The following PIBF1 variants were observed in gnomAD, a reference collection of about 807,000 sequenced individuals.
PIBF1 encodes progesterone-induced-blocking factor 1.
Under a neutral mutation model 112.5 loss-of-function variants are expected in PIBF1, and 90 were observed. The ratio of observed to expected loss-of-function variants is 0.80; its 90% CI spans 0.67 to 0.95. The LOEUF is 0.95. Among genes scored for constraint, PIBF1 ranks in the 40% least tolerant of loss-of-function variants. The probability of loss-of-function intolerance (pLI) is 0.00; values close to 1 mark genes in which losing one functional copy is unlikely to be tolerated. For synonymous variants in PIBF1, 301 were observed against 288.6 expected (o/e 1.04, Z -0.44); for missense variants, 915 against 852.3 (o/e 1.07, Z -0.92).
chr13:72,858,763 A>G (rs1000363168), intron 10 of PIBF1, among the ~76,000 whole-genome samples: 1 of 152,172 alleles, frequency 6.6e-6, no homozygotes, highest in African/African-American at 2.4e-5. Context: ...GAATACTTAT[A>G]TACAAGTTTC....
intron 14 of PIBF1, among the ~76,000 whole-genome samples, chr13:72,964,154 A>G (rs974467614): frequency 2.6e-5 from 4 of 152,232 alleles, no homozygotes; most frequent in African/African-American, 7.2e-5. Flanking sequence ...ATTTACCATT[A>G]AAAGGAATGA....
chr13:72,818,807 A>G (rs1451610569), intron 5 of PIBF1, among the ~76,000 whole-genome samples: 2 of 151,294 alleles, frequency 1.3e-5, no homozygotes, highest in African/African-American at 4.9e-5. Flanking sequence ...AAATCACACA[A>G]GCAGTAACAA....
chr13:72,939,222 T>G (rs1466427667), intron 14 of PIBF1, among the ~76,000 whole-genome samples: 1 of 152,198 alleles, frequency 6.6e-6, no homozygotes, highest in Non-Finnish European at 1.5e-5. Flanking sequence ...GTTTTGTGGG[T>G]TTTTTATTGA....
chr13:72,982,739 CTG>C (rs1359716242), intron 16 of PIBF1, among the ~76,000 whole-genome samples: 1 of 152,092 alleles, frequency 6.6e-6, no homozygotes, highest in Non-Finnish European at 1.5e-5. Flanking sequence ...GCTTTAGAAA[CTG>C]TCATCAAAAA....
intron 9 of PIBF1, among the ~76,000 whole-genome samples, chr13:72,840,806 G>A (rs2037576936): frequency 2.0e-5 from 3 of 152,126 alleles, no homozygotes; most frequent in South Asian, 2.1e-4. Flanking sequence ...GATTACAGGC[G>A]TGAGCCACCA....
rs556940865 is a variant in PIBF1 at position 72,799,334 on chromosome 13, C to T, written c.672+1308C>T. Among the ~76,000 whole-genome samples, 147 of 152,272 alleles carry T rather than the reference C, an allele frequency of 9.7e-4. 1 individual carries two copies. The highest frequency in any genetic ancestry group is 3.2e-3 in the African/African-American group (135 of 41,552). On this transcript the variant is annotated intron_variant, in intron 5 of 17. Transcript: ENST00000326291. ...TTTAATTTGTATTTTTAATGCTCTA[C>T]TTTGCTGTACTATTAGTCTTAGAGA...
chr13:72,812,470 G>A (rs1205603103), intron 5 of PIBF1, among the ~76,000 whole-genome samples: 1 of 152,032 alleles, frequency 6.6e-6, no homozygotes, highest in Non-Finnish European at 1.5e-5. Flanking sequence ...AGTGGCTCAC[G>A]GCTGTAATCC....
rs546555968 is a variant in PIBF1 at position 72,789,445 on chromosome 13, C to T, written c.253-3002C>T. Among the ~76,000 whole-genome samples, 17 of 152,204 alleles carry T rather than the reference C, an allele frequency of 1.1e-4. No individual in the cohort carries two copies. In the South Asian group the frequency reaches 3.3e-3, roughly 30 times the overall value. ...CAAGCAATCCTCCCACCTTGGCCCC[C>T]CAAAGTGCTGGGTTTACAGCCTGAG... On this transcript the variant is annotated intron_variant, in intron 2 of 17. Transcript: ENST00000326291.
intron 16 of PIBF1, among the ~76,000 whole-genome samples, chr13:72,985,380 A>AAAG (rs1407666791): frequency 6.7e-6 from 1 of 148,600 alleles, no homozygotes; most frequent in Non-Finnish European, 1.5e-5. Flanking sequence ...ACAAAAAAAA[A>AAAG]AAAAAAAAAA....
At chr13:72,927,867 G>GT (rs1487554737) in intron 13 of PIBF1, among the ~76,000 whole-genome samples, 2 of 147,786 alleles carry the variant, frequency 1.4e-5, no homozygotes, top group African/African-American at 5.0e-5. Flanking sequence ...CTGTGTATGT[G>GT]TGTTTGTACT....
intron 12 of PIBF1, among the ~76,000 whole-genome samples, chr13:72,911,592 T>A (rs2040896577): frequency 6.6e-6 from 1 of 152,144 alleles, no homozygotes; most frequent in Non-Finnish European, 1.5e-5. Context: ...TGAATGTAAT[T>A]ATCATAAAAG....
chr13:72,908,987 C>T (rs1410848449), intron 12 of PIBF1, among the ~76,000 whole-genome samples: 2 of 151,498 alleles, frequency 1.3e-5, no homozygotes, highest in South Asian at 4.2e-4. Context: ...GCAGAGGTCG[C>T]GTTGAGCCGA....
At chr13:72,962,111 A>G (rs1457800211) in intron 14 of PIBF1, among the ~76,000 whole-genome samples, 1 of 152,174 alleles carries the variant, frequency 6.6e-6, no homozygotes, top group Non-Finnish European at 1.5e-5. Flanking sequence ...ATTACTATAC[A>G]TAGTGTAAAT....
At chr13:72,793,522 G>A (rs2035039773) in intron 3 of PIBF1, among the ~76,000 whole-genome samples, 1 of 152,198 alleles carries the variant, frequency 6.6e-6, no homozygotes, top group Non-Finnish European at 1.5e-5. Context: ...AGGTGATGCA[G>A]ATGCTGCTGG....
chr13:72,806,103 T>C (rs1222761885), intron 5 of PIBF1, among the ~76,000 whole-genome samples: 1 of 152,232 alleles, frequency 6.6e-6, no homozygotes. Flanking sequence ...TTTATTTTCA[T>C]GTATACAATT....
intron 11 of PIBF1, among the ~76,000 whole-genome samples, chr13:72,896,036 A>C (rs1035562077): frequency 6.6e-6 from 1 of 152,136 alleles, no homozygotes; most frequent in Admixed American, 6.6e-5. Flanking sequence ...TGCATGACTC[A>C]GCAGAGGCAG....
chr13:72,826,938 C>A, intron 6 of PIBF1, 72 bp from the exon 7 acceptor site: 1 of 778,980 alleles, frequency 1.3e-6, no homozygotes, highest in South Asian at 2.3e-5. Flanking sequence ...AATACATAGT[C>A]AACCCTTTTA....
At chr13:72,882,596 A>T (rs1164927442) in intron 10 of PIBF1, among the ~76,000 whole-genome samples, 2 of 152,228 alleles carry the variant, frequency 1.3e-5, no homozygotes, top group Non-Finnish European at 2.9e-5. Flanking sequence ...GTAGGAAAAA[A>T]ATCTAATAAT....
Position 72,783,771 on chromosome 13 carries a change from CG to C in PIBF1, c.252+52del, listed in dbSNP as rs772913534. ...TTCTATATGCTTTATTGTCTTCAAA[CG>C]GCAGGTAAATAAGAATTAAATACAC... On this transcript the variant is annotated intron_variant, in intron 2 of 17. Transcript: ENST00000326291. The C allele has an allele frequency of 7.9e-6, 12 of 1,512,726 alleles. No individual in the cohort carries two copies. The African/African-American group carries it at 9.7e-5, about 12-fold the overall frequency. 93.7% of individuals were successfully genotyped at this position (1,512,726 alleles called of 1,614,324 possible). A position where few individuals can be genotyped will look rare whatever the true frequency, so the allele number is the denominator to read the frequency against.
Sources: gnomAD v4.1 joint callset for allele counts (sites outside exome capture counted in the v4.1 genomes callset) on GRCh38, gnomAD v4.1.1 for gene constraint, MANE v1.5 for transcripts, NCBI Gene and HGNC (gene_info 2026-07-23, HGNC 2026-07-21) for gene names.